The following GCA variants were observed in gnomAD, a reference collection of about 807,000 sequenced individuals.
The protein encoded by GCA is grancalcin, EF-hand calcium-binding protein.
A neutral mutation model predicts 32.6 loss-of-function variants in GCA; 30 were observed. That is an observed-to-expected ratio of 0.92 (90% CI 0.69 to 1.25). The LOEUF (loss-of-function observed/expected upper bound fraction) is 1.25, where lower values mean the gene tolerates loss of function less well. Ranked by LOEUF, GCA falls within the 50% of genes most tolerant of loss-of-function variation. The pLI is 0.00. For synonymous variants in GCA, 102 were observed against 84.6 expected (o/e 1.21, Z -1.13); for missense variants, 291 against 266.8 (o/e 1.09, Z -0.63).
At chr2:162,372,536 A>G (rs1422782820), downstream of GCA, among the ~76,000 whole-genome samples, 1 of 152,168 alleles carries the variant, frequency 6.6e-6, no homozygotes, top group Non-Finnish European at 1.5e-5. Context: ...AACAAAGAAC[A>G]AAATAGATGG....
rs777348105 is a variant in GCA, at chr2:162,325,165, T to C, written c.-31+5940T>C. ...CTGGTGAAAGAAATTAAACCTCTTA[T>C]GGGAGCAGTTAAACTTTAGAAGGGA... On this transcript the variant is annotated intron_variant, in intron 1 of 4. Transcript: ENST00000429691. Among the ~76,000 whole-genome samples, 52 of 152,352 alleles carry C rather than the reference T, an allele frequency of 3.4e-4. 1 individual carries two copies. Among genetic ancestry groups the C allele is most frequent in the Non-Finnish European group, 5.7e-4 (39 of 68,036 alleles).
intron 5 of GCA, 22 bp from the exon 6 acceptor site, chr2:162,359,022 T>G (rs1360314081): frequency 6.9e-6 from 8 of 1,155,582 alleles, no homozygotes; most frequent in Non-Finnish European, 7.7e-6. Flanking sequence ...CATTTAGAAG[T>G]TTTAATTTAT....
chr2:162,356,840 C>T lies in GCA; in HGVS notation c.389C>T (p.Thr130Ile). ...AATGCCTGGAAGGAAAACTTCATGACTGTTGATCAAGATGGAAGTGGCACA... is the reference window on the plus strand; with the variant it reads ...AATGCCTGGAAGGAAAACTTCATGATTGTTGATCAAGATGGAAGTGGCACA... ...ALNAWKENFMTVDQDGSGTVE... is the reference protein window; with the variant it reads ...ALNAWKENFMIVDQDGSGTVE... Residue 130 changes from threonine (T) to isoleucine (I), a missense_variant, in exon 5 of 8, where the codon ACT becomes ATT. By Grantham distance (89) the Thr-to-Ile change is moderately conservative. Coordinates refer to ENST00000437150, the MANE Select transcript of GCA (RefSeq NM_012198.5). The T allele has an allele frequency of 6.2e-7, 1 of 1,610,070 alleles. No individual in the cohort carries two copies. Among genetic ancestry groups the T allele is most frequent in the Non-Finnish European group, 8.5e-7 (1 of 1,176,958 alleles).
intron 1 of GCA, chr2:162,319,444 A>T (rs1006181130): frequency 8.9e-6 from 2 of 225,902 alleles, no homozygotes; most frequent in Non-Finnish European, 9.3e-6. Context: ...AATAAAACAA[A>T]ACAAAAAAAT....
At chr2:162,351,186 G>A (rs1347390304) in intron 2 of GCA, among the ~76,000 whole-genome samples, 1 of 152,182 alleles carries the variant, frequency 6.6e-6, no homozygotes, top group Non-Finnish European at 1.5e-5. Context: ...ATGCATCACA[G>A]TAATACCAAC....
At chr2:162,336,094 A>G (rs961894470) in intron 1 of GCA, among the ~76,000 whole-genome samples, 3 of 152,212 alleles carry the variant, frequency 2.0e-5, no homozygotes, top group Non-Finnish European at 4.4e-5. Flanking sequence ...AAATTTAAGA[A>G]CTGAATATCA....
In GCA at chr2:162,362,898, A is replaced by G. The variant is rs939817695; in HGVS notation, c.*2655A>G. ...GACCTATTTACACATGCATCCAGAAAAAAGTAACAAAAAATGTAGTCAAGT... is the reference window on the plus strand; with the variant it reads ...GACCTATTTACACATGCATCCAGAAGAAAGTAACAAAAAATGTAGTCAAGT... On this transcript the variant is annotated 3_prime_UTR_variant, in exon 8 of 8. Coordinates refer to ENST00000437150, the MANE Select transcript of GCA (RefSeq NM_012198.5). Among the ~76,000 whole-genome samples the G allele has an allele frequency of 2.0e-5, 3 of 151,410 alleles. No homozygotes were observed. The highest frequency in any genetic ancestry group is 7.3e-5 in the African/African-American group (3 of 41,364).
intron 1 of GCA, among the ~76,000 whole-genome samples, chr2:162,330,167 T>C (rs1267619176): frequency 6.6e-6 from 1 of 152,206 alleles, no homozygotes; most frequent in Non-Finnish European, 1.5e-5. Context: ...TAGAACAACT[T>C]TTATTCCTTT....
At chr2:162,328,551 C>G (rs889768656) in intron 1 of GCA, among the ~76,000 whole-genome samples, 1 of 152,148 alleles carries the variant, frequency 6.6e-6, no homozygotes, top group African/African-American at 2.4e-5. Context: ...CTGCTCAAAC[C>G]TCTAGGGGAG....
At chr2:162,356,162 C>T (rs1685257367) in intron 3 of GCA, among the ~76,000 whole-genome samples, 1 of 152,158 alleles carries the variant, frequency 6.6e-6, no homozygotes, top group East Asian at 1.9e-4. Flanking sequence ...AAGCCAAGTG[C>T]TTTACATACC....
At chr2:162,322,217 G>A (rs1425021451) in intron 1 of GCA, among the ~76,000 whole-genome samples, 1 of 150,692 alleles carries the variant, frequency 6.6e-6, no homozygotes, top group Non-Finnish European at 1.5e-5. Context: ...CTACATAGCA[G>A]TTTTGGCAAA....
chr2:162,345,045 G>A (rs1576279528), intron 1 of GCA, among the ~76,000 whole-genome samples: 1 of 144,744 alleles, frequency 6.9e-6, no homozygotes, highest in East Asian at 2.0e-4. Context: ...CTTGACTTTG[G>A]GCTATGGTTG....
chr2:162,365,230 G>T (rs1685715150), downstream of GCA, among the ~76,000 whole-genome samples: 2 of 151,302 alleles, frequency 1.3e-5, no homozygotes, highest in African/African-American at 4.8e-5. Context: ...GAAATTATAT[G>T]CTTCATTCTT....
chr2:162,368,175 GGAGGACCACTCTTT>G (rs1394375802), intron 4 of GCA, among the ~76,000 whole-genome samples: 1 of 151,928 alleles, frequency 6.6e-6, no homozygotes, highest in Non-Finnish European at 1.5e-5. Context: ...AGTGTTGGTT[GGAGGACCACTCTTT>G]GAGGACCACT....
chr2:162,361,181 C>T lies in GCA; in HGVS notation c.*938C>T. 1 of 984,848 alleles carries T rather than the reference C, an allele frequency of 1.0e-6. No individual in the cohort carries two copies. 61.0% of individuals were successfully genotyped at this position (984,848 alleles called of 1,614,324 possible). A position where few individuals can be genotyped will look rare whatever the true frequency, so the allele number is the denominator to read the frequency against. ...AACATTAACATTAGTGGTGGCTTTG[C>T]CATTAAAAACCCAGTAAGTATTTTG... is the stretch of plus-strand genomic sequence containing the variant. On this transcript the variant is annotated 3_prime_UTR_variant, in exon 8 of 8. Coordinates refer to ENST00000437150, the MANE Select transcript of GCA (RefSeq NM_012198.5).
At chr2:162,319,057 T>C (rs1683574918) in exon 1 of GCA, 1 of 432,998 alleles carries the variant, frequency 2.3e-6, no homozygotes, top group Admixed American at 2.4e-5. Context: ...GGCTGGTGAA[T>C]GTAGGCAGGC....
intron 1 of GCA, among the ~76,000 whole-genome samples, chr2:162,337,817 A>G (rs1451210640): frequency 3.3e-5 from 5 of 152,182 alleles, no homozygotes. Flanking sequence ...AAGTAACATT[A>G]AAGGCTCTAA....
intron 1 of GCA, among the ~76,000 whole-genome samples, chr2:162,328,913 A>G (rs1012393337): frequency 6.6e-6 from 1 of 152,166 alleles, no homozygotes; most frequent in Non-Finnish European, 1.5e-5. Flanking sequence ...TGGGCCTCTC[A>G]GTGGCCTGGG....
Position 162,344,449 on chromosome 2 carries a change from T to C in GCA, c.27+174T>C, listed in dbSNP as rs1576278361. The C allele has an allele frequency of 1.9e-5, 12 of 628,060 alleles. No homozygotes were observed. In the South Asian group the frequency reaches 2.4e-4, roughly 12 times the overall value. 38.9% of individuals were successfully genotyped at this position (628,060 alleles called of 1,614,324 possible). On this transcript the variant is annotated intron_variant, in intron 1 of 7. Coordinates refer to ENST00000437150, the MANE Select transcript of GCA (RefSeq NM_012198.5). ...CCAGGGCCTGGGCGAGCATTGATCC[T>C]GGGCTGACTTGGAGCCGCAGGTTTT... is the stretch of plus-strand genomic sequence containing the variant.
Sources: gnomAD v4.1 joint callset for allele counts (sites outside exome capture counted in the v4.1 genomes callset) on GRCh38, gnomAD v4.1.1 for gene constraint, MANE v1.5 for transcripts, NCBI Gene and HGNC (gene_info 2026-07-23, HGNC 2026-07-21) for gene names.